The following EXOC1 variants were observed in gnomAD, a reference collection of about 807,000 sequenced individuals.
EXOC1 encodes the protein exocyst complex component 1.
Under a neutral mutation model 107.7 loss-of-function variants are expected in EXOC1, and 67 were observed. The observed-to-expected ratio is 0.62, with a 90% CI of 0.51 to 0.76. EXOC1 has a LOEUF of 0.76. Among genes scored for constraint, EXOC1 ranks in the 30% least tolerant of loss-of-function variants. The pLI is 0.00. For missense variants in EXOC1, 833 were observed against 1,055.7 expected (o/e 0.79, Z 2.92); for synonymous variants, 348 against 353.5 (o/e 0.98, Z 0.17).
chr4:55,889,463 G>A (rs990135342), intron 11 of EXOC1, among the ~76,000 whole-genome samples: 6 of 152,074 alleles, frequency 3.9e-5, no homozygotes, highest in Admixed American at 6.6e-5. Flanking sequence ...CCAGCTATAT[G>A]TTCTCATTTT....
In EXOC1 at chr4:55,871,812, C is replaced by T. The variant is rs767132940; in HGVS notation, c.965-37C>T. On this transcript the variant is annotated intron_variant, in intron 7 of 18. Coordinates refer to ENST00000381295, the MANE Select transcript of EXOC1 (RefSeq NM_001024924.2). ...ATTAAACATCAAGGAAATCTTTTTA[C>T]CCATTAAACTGGTCACAAAATGTCG... 12 of 1,561,940 alleles carry T rather than the reference C, an allele frequency of 7.7e-6. No individual in the cohort carries two copies. In the East Asian group the frequency reaches 2.7e-4, roughly 35 times the overall value.
At chr4:55,902,288 A>G in intron 17 of EXOC1, 56 bp from the exon 18 acceptor site, 1 of 1,286,860 alleles carries the variant, frequency 7.8e-7, no homozygotes, top group Non-Finnish European at 1.0e-6. Context: ...GATTTTTTTA[A>G]TGTAAATAAT....
In EXOC1 at chr4:55,863,721, C is replaced by T. The variant is rs182437146; in HGVS notation, c.256-506C>T. On this transcript the variant is annotated intron_variant, in intron 3 of 18. Coordinates refer to ENST00000381295, the MANE Select transcript of EXOC1 (RefSeq NM_001024924.2). ...AATTAGGCGCAATCTCTGCTTTTCACCTCACTTGTTCTTAGAAAGTACACC... is the reference window on the plus strand; with the variant it reads ...AATTAGGCGCAATCTCTGCTTTTCATCTCACTTGTTCTTAGAAAGTACACC... Among the ~76,000 whole-genome samples the T allele has an allele frequency of 8.0e-4, 122 of 152,304 alleles. 1 individual carries two copies. The highest frequency in any genetic ancestry group is 2.8e-3 in the African/African-American group (117 of 41,566).
chr4:55,885,620 T>G lies in EXOC1; in HGVS notation c.1330+1692T>G, dbSNP rs570282382. 4 of 152,260 alleles carry G rather than the reference T, an allele frequency of 2.6e-5. No individual in the cohort carries two copies. In the South Asian group the frequency reaches 6.2e-4, roughly 24 times the overall value. 9.4% of individuals were successfully genotyped at this position (152,260 alleles called of 1,614,324 possible). ...GTGCTCACTTTAGCAGCACATATACTAAAATTGGAACAATACAGAGAAGAT... is the reference window on the plus strand; with the variant it reads ...GTGCTCACTTTAGCAGCACATATACGAAAATTGGAACAATACAGAGAAGAT... On this transcript the variant is annotated intron_variant, in intron 10 of 18. Coordinates refer to ENST00000381295, the MANE Select transcript of EXOC1 (RefSeq NM_001024924.2).
chr4:55,899,698 A>C lies in EXOC1; in HGVS notation c.2151A>C (p.Ala717=). 2.5e-6 allele frequency: 4 copies of C among 1,610,772 alleles called. No individual in the cohort carries two copies. The highest frequency in any genetic ancestry group is 1.7e-6 in the Non-Finnish European group (2 of 1,178,890). ...TTTTGGTTTTAGTGGAGAAAGTAGC[A>C]AATGAAAGCCAGAAGACCCCCAGGG... ...RGVFVNVEKV[A]NESQKTPRDV... is the part of the protein sequence containing the mutation. Residue 717 remains alanine (A), a synonymous_variant, in exon 17 of 19, where the codon GCA becomes GCC. Transcript: ENST00000381295.
chr4:55,871,285 T>C (rs1722415870), intron 7 of EXOC1, 52 bp downstream of exon 7: 3 of 1,566,834 alleles, frequency 1.9e-6, no homozygotes, highest in Non-Finnish European at 2.6e-6. Context: ...AGACTAAGCC[T>C]GTAACTTGTT....
chr4:55,899,760 C>G lies in EXOC1; in HGVS notation c.2213C>G (p.Ala738Gly). 1.2e-6 allele frequency: 2 copies of G among 1,613,690 alleles called. No individual in the cohort carries two copies. Among genetic ancestry groups the G allele is most frequent in the Non-Finnish European group, 1.7e-6 (2 of 1,179,778 alleles). ...VMMENFHHIF[A>G]TLSRLKISCL... ...ATGGAAAACTTTCACCATATTTTTGCAACTCTTTCTCGATTGAAAATCTCA... is the reference window on the plus strand; with the variant it reads ...ATGGAAAACTTTCACCATATTTTTGGAACTCTTTCTCGATTGAAAATCTCA... Residue 738 changes from alanine (A) to glycine (G), a missense_variant, in exon 17 of 19, where the codon GCA (alanine) becomes GGA (glycine). Ala to Gly is a moderately conservative substitution (Grantham distance 60, BLOSUM62 0). Transcript: ENST00000381295.
At chr4:55,902,273 A>G in intron 17 of EXOC1, 71 bp from the exon 18 acceptor site, 1 of 1,212,696 alleles carries the variant, frequency 8.2e-7, no homozygotes, top group Non-Finnish European at 1.1e-6. Flanking sequence ...ACTACTTTGT[A>G]ATCAGATTTT....
At chr4:55,875,614 A>G in intron 8 of EXOC1, 3 of 985,396 alleles carry the variant, frequency 3.0e-6, no homozygotes, top group Non-Finnish European at 3.6e-6. Context: ...AGAAGAACAT[A>G]GACAATAATT....
At chr4:55,871,455 A>G (rs549445164) in intron 7 of EXOC1, among the ~76,000 whole-genome samples, 26 of 152,264 alleles carry the variant, frequency 1.7e-4, no homozygotes, top group African/African-American at 5.8e-4. Flanking sequence ...AGTCAACACC[A>G]TGATCTTTAT....
chr4:55,882,258 A>G (rs1723468785), intron 9 of EXOC1, among the ~76,000 whole-genome samples: 1 of 152,112 alleles, frequency 6.6e-6, no homozygotes, highest in African/African-American at 2.4e-5. Context: ...CTTCTGCCTC[A>G]GCCTCCTGAG....
intron 15 of EXOC1, 90 bp from the exon 16 acceptor site, chr4:55,896,621 ATATATC>A: frequency 3.1e-6 from 3 of 967,836 alleles, no homozygotes; most frequent in East Asian, 2.8e-5. Context: ...ATATCTATGT[ATATATC>A]TATATCTCCA....
intron 9 of EXOC1, among the ~76,000 whole-genome samples, chr4:55,879,088 A>C (rs966833432): frequency 2.6e-5 from 4 of 152,192 alleles, no homozygotes; most frequent in African/African-American, 9.6e-5. Context: ...AAAATTCTGC[A>C]CTTGGGGAAG....
intron 13 of EXOC1, among the ~76,000 whole-genome samples, chr4:55,892,120 T>C (rs562561916): frequency 9.2e-5 from 14 of 152,226 alleles, no homozygotes; most frequent in East Asian, 1.9e-4. Flanking sequence ...AAATGAGAAA[T>C]GGATTATGAT....
At chr4:55,904,316 C>T in intron 18 of EXOC1, 27 bp from the exon 19 acceptor site, 1 of 1,563,888 alleles carries the variant, frequency 6.4e-7, no homozygotes, top group Non-Finnish European at 8.7e-7. Context: ...CCATTCATAG[C>T]CTAATGACTT....
At chr4:55,869,799 C>G (rs999276155) in intron 5 of EXOC1, among the ~76,000 whole-genome samples, 5 of 152,196 alleles carry the variant, frequency 3.3e-5, no homozygotes, top group Admixed American at 1.3e-4. Flanking sequence ...ACCACAGCGT[C>G]AGCTGTACAA....
intron 11 of EXOC1, 145 bp from the exon 12 acceptor site, chr4:55,890,078 C>G: frequency 1.4e-6 from 1 of 698,744 alleles, no homozygotes; most frequent in Non-Finnish European, 2.4e-6. Flanking sequence ...AACTATACCA[C>G]CTATCCCTTA....
chr4:55,857,427 CAA>C (rs1721101547), intron 1 of EXOC1, among the ~76,000 whole-genome samples: 1 of 152,022 alleles, frequency 6.6e-6, no homozygotes, highest in African/African-American at 2.4e-5. Flanking sequence ...CTCGGCCTCC[CAA>C]AGAGCTGGGA....
chr4:55,870,084 A>T (rs1039985954), intron 5 of EXOC1, among the ~76,000 whole-genome samples: 1 of 152,106 alleles, frequency 6.6e-6, no homozygotes, highest in Non-Finnish European at 1.5e-5. Flanking sequence ...TGAAAGAGAA[A>T]AGAAAAAAGA....
Sources: gnomAD v4.1 joint callset for allele counts (sites outside exome capture counted in the v4.1 genomes callset) on GRCh38, gnomAD v4.1.1 for gene constraint, MANE v1.5 for transcripts, NCBI Gene and HGNC (gene_info 2026-07-23, HGNC 2026-07-21) for gene names.